The following ARL13B variants were observed in gnomAD, a reference collection of about 807,000 sequenced individuals.
ARL13B encodes ARF like GTPase 13B.
ARL13B carries 36 observed loss-of-function variants against 56.1 expected under a neutral mutation model. That is an observed-to-expected ratio of 0.64 (90% CI 0.49 to 0.85). The LOEUF is 0.85. Ranked by LOEUF, ARL13B falls within the 40% of genes least tolerant of loss-of-function variation. ARL13B has a pLI of 0.00. For synonymous variants in ARL13B, 178 were observed against 171.1 expected, an observed-to-expected ratio of 1.04 and a Z score of -0.32; for missense variants, 519 against 507.1, an observed-to-expected ratio of 1.02 and a Z score of -0.23.
chr3:94,018,176 G>A (rs1345081820), intron 3 of ARL13B, among the ~76,000 whole-genome samples: 1 of 151,282 alleles, frequency 6.6e-6, no homozygotes, highest in Non-Finnish European at 1.5e-5. Flanking sequence ...AAGATTACAG[G>A]CATAAGCCAC....
At chr3:94,032,528 G>A (rs560755094) in intron 3 of ARL13B, among the ~76,000 whole-genome samples, 50 of 151,718 alleles carry the variant, frequency 3.3e-4, no homozygotes, top group African/African-American at 1.1e-3. Flanking sequence ...ACGGAGTCTC[G>A]CTGTGTTGCC....
At chr3:94,048,690 C>T (rs913463976) in intron 7 of ARL13B, among the ~76,000 whole-genome samples, 2 of 151,880 alleles carry the variant, frequency 1.3e-5, no homozygotes, top group Non-Finnish European at 2.9e-5. Context: ...CTCCAGGGCT[C>T]AAGTGATCCT....
chr3:93,990,356 A>G (rs764974772), intron 1 of ARL13B, among the ~76,000 whole-genome samples: 16 of 151,858 alleles, frequency 1.1e-4, no homozygotes, highest in Non-Finnish European at 1.6e-4. Flanking sequence ...AAATTTCTCA[A>G]ATTTTTAATT....
rs1370206465 is a variant in ARL13B, at chr3:93,995,208, T to C, written c.60-666T>C. 3.3e-5 allele frequency among the ~76,000 whole-genome samples: 5 copies of C among 152,208 alleles called. No homozygotes were observed. In the South Asian group the frequency reaches 1.0e-3, roughly 32 times the overall value. ...TGTCCCACATTTAAATCCCTACGAG[T>C]TAGGTGAATTAGGTTCTGGTTCTGA... On this transcript the variant is annotated intron_variant, in intron 1 of 9. Coordinates refer to ENST00000394222, the MANE Select transcript of ARL13B (RefSeq NM_001174150.2).
At chr3:93,980,672 C>T (rs966806777) in intron 1 of ARL13B, among the ~76,000 whole-genome samples, 190 bp downstream of exon 1, 3 of 151,790 alleles carry the variant, frequency 2.0e-5, no homozygotes, top group Middle Eastern at 3.4e-3. Context: ...CTTTCTGTTG[C>T]GATTGACAAT....
At chr3:94,016,103 A>G (rs1480289939) in intron 3 of ARL13B, among the ~76,000 whole-genome samples, 1 of 152,170 alleles carries the variant, frequency 6.6e-6, no homozygotes, top group African/African-American at 2.4e-5. Context: ...TACATAATTT[A>G]TATTTAATGA....
chr3:94,041,829 C>G (rs2076868094), intron 6 of ARL13B, among the ~76,000 whole-genome samples: 1 of 152,106 alleles, frequency 6.6e-6, no homozygotes, highest in Non-Finnish European at 1.5e-5. Context: ...AATCCCAGCA[C>G]TTTGGGAGGC....
rs1209383088 is a variant in ARL13B at position 93,980,360 on chromosome 3, G to A, written c.-64G>A. 6.3e-7 allele frequency: 1 copy of A among 1,597,186 alleles called. No homozygotes were observed. Among genetic ancestry groups the A allele is most frequent in the South Asian group, 1.1e-5 (1 of 90,908 alleles). ...TCTCGGAGTGCCGGAGGCCCCCGGG[G>A]AAGAGCGGGGTGCCGGTGTCCGCTC... On this transcript the variant is annotated 5_prime_UTR_variant, in exon 1 of 10. Transcript: ENST00000394222.
intron 2 of ARL13B, among the ~76,000 whole-genome samples, chr3:93,997,479 T>G (rs1175026591): frequency 2.6e-5 from 4 of 152,236 alleles, no homozygotes; most frequent in Non-Finnish European, 5.9e-5. Context: ...AAGTAAATTA[T>G]CTGTTATTGT....
In ARL13B at chr3:94,039,776, G is replaced by A. The variant is rs955206691; in HGVS notation, c.690-104G>A. On this transcript the variant is annotated intron_variant, in intron 5 of 9. Transcript: ENST00000394222. ...CAGTAATTCAAAACCATGTCCAGATGTTTAAATTACTACATGTAATAGCCT... is the reference window on the plus strand; with the variant it reads ...CAGTAATTCAAAACCATGTCCAGATATTTAAATTACTACATGTAATAGCCT... 8.3e-6 allele frequency: 8 copies of A among 965,326 alleles called. No individual in the cohort carries two copies. The Admixed American group carries it at 9.0e-5, about 11-fold the overall frequency. The allele number at this position is 965,326 out of a possible 1,614,324, so 59.8% of individuals were successfully genotyped here.
rs1003888647 is a variant in ARL13B at position 94,054,995 on chromosome 3, G to T, written c.*1732G>T. 3.2e-6 allele frequency: 1 copy of T among 313,020 alleles called. No individual in the cohort carries two copies. Among genetic ancestry groups the T allele is most frequent in the African/African-American group, 2.3e-5 (1 of 44,430 alleles). The allele number at this position is 313,020 out of a possible 1,614,324, so 19.4% of individuals were successfully genotyped here. A position where few individuals can be genotyped will look rare whatever the true frequency, so the allele number is the denominator to read the frequency against. Reference sequence around the variant, plus strand: ...ATATTTATCTCGTTTGGGAGTATACGTGTTTTTAAAATTTGTGTTTTCTAT... The same window carrying T: ...ATATTTATCTCGTTTGGGAGTATACTTGTTTTTAAAATTTGTGTTTTCTAT... On this transcript the variant is annotated 3_prime_UTR_variant, in exon 10 of 10. Transcript: ENST00000394222.
intron 3 of ARL13B, 95 bp from the exon 4 acceptor site, chr3:94,035,236 C>CAAAAAAA: frequency 1.8e-6 from 1 of 551,838 alleles, no homozygotes; most frequent in Non-Finnish European, 2.8e-6. Context: ...GACTCAGTCT[C>CAAAAAAA]AAAAAAAAAA....
chr3:94,001,247 A>C (rs1575952107), intron 2 of ARL13B, among the ~76,000 whole-genome samples: 2 of 152,296 alleles, frequency 1.3e-5, no homozygotes, highest in African/African-American at 4.8e-5. Flanking sequence ...AAAGAATAGA[A>C]GGTGTTCCAT....
In ARL13B at chr3:94,013,804, G is replaced by A. The variant is rs146508908; in HGVS notation, c.380+9896G>A. Among the ~76,000 whole-genome samples the A allele has an allele frequency of 5.6e-4, 85 of 152,166 alleles. 1 individual carries two copies. In the East Asian group the frequency reaches 0.013, roughly 23 times the overall value. On this transcript the variant is annotated intron_variant, in intron 3 of 9. Transcript: ENST00000394222. ...TCTACTAAAAATACAAAAATTAACC[G>A]AGTGTGGTGGTGCACACCTGTAATC...
intron 3 of ARL13B, among the ~76,000 whole-genome samples, chr3:94,032,995 G>C (rs2076703773): frequency 6.6e-6 from 1 of 152,218 alleles, no homozygotes; most frequent in Non-Finnish European, 1.5e-5. Flanking sequence ...GAAAGAAAAT[G>C]TTTGTGTGTG....
At chr3:94,043,814 C>T (rs546941837) in intron 7 of ARL13B, among the ~76,000 whole-genome samples, 1 of 147,482 alleles carries the variant, frequency 6.8e-6, no homozygotes, top group Non-Finnish European at 1.5e-5. Context: ...CGCGCCGCCA[C>T]TCCTGACTGG....
chr3:94,009,715 C>T (rs1325462961), intron 3 of ARL13B, among the ~76,000 whole-genome samples: 2 of 151,988 alleles, frequency 1.3e-5, no homozygotes, highest in African/African-American at 2.4e-5. Flanking sequence ...TTCAGTGGAG[C>T]GTTACCACAC....
rs139299300 is a variant in ARL13B at position 94,054,025 on chromosome 3, G to GT, written c.*768dup. ...CTGGAAATACCTTTTGTACCTAAAT[G>GT]TTTTTTAAATTAATCAAAATACATT... On this transcript the variant is annotated 3_prime_UTR_variant, in exon 10 of 10. Coordinates refer to ENST00000394222, the MANE Select transcript of ARL13B (RefSeq NM_001174150.2). The GT allele has an allele frequency of 2.6e-5, 11 of 429,280 alleles. 1 individual carries two copies. The highest frequency in any genetic ancestry group is 1.7e-4 in the South Asian group (10 of 59,304). The allele number at this position is 429,280 out of a possible 1,614,324, so 26.6% of individuals were successfully genotyped here. A position where few individuals can be genotyped will look rare whatever the true frequency, so the allele number is the denominator to read the frequency against.
intron 7 of ARL13B, among the ~76,000 whole-genome samples, chr3:94,044,629 G>A (rs549025632): frequency 8.6e-4 from 126 of 146,604 alleles, no homozygotes; most frequent in South Asian, 5.6e-3. Flanking sequence ...TCTGGGAAGT[G>A]GGGAGCGCCT....
Sources: gnomAD v4.1 joint callset for allele counts (sites outside exome capture counted in the v4.1 genomes callset) on GRCh38, gnomAD v4.1.1 for gene constraint, MANE v1.5 for transcripts, NCBI Gene and HGNC (gene_info 2026-07-23, HGNC 2026-07-21) for gene names.